Variants in UGT1A10 observed in about 807,000 individuals in gnomAD.
The protein encoded by UGT1A10 is UDP-glucuronosyltransferase 1A10.
Under a neutral mutation model 45.8 loss-of-function variants are expected in UGT1A10, and 49 were observed. The observed-to-expected ratio is 1.07, with a 90% confidence interval of 0.85 to 1.36. UGT1A10 has a LOEUF of 1.36. Ranked by LOEUF, UGT1A10 falls within the 40% of genes most tolerant of loss-of-function variation. The pLI, the probability that UGT1A10 is intolerant of heterozygous loss-of-function variation, is 0.00. For missense variants in UGT1A10, 745 were observed against 668.6 expected (o/e 1.11, Z -1.26); for synonymous variants, 284 against 249.7 (o/e 1.14, Z -1.29).
chr2:233,746,979 C>T (rs908945089), intron 1 of UGT1A10, among the ~76,000 whole-genome samples: 13 of 151,732 alleles, frequency 8.6e-5, no homozygotes, highest in African/African-American at 1.9e-4. Flanking sequence ...CCAGAGCGAG[C>T]GCAGGGTCAG....
At chr2:233,731,616 A>C (rs1404847931) in intron 1 of UGT1A10, among the ~76,000 whole-genome samples, 2 of 152,182 alleles carry the variant, frequency 1.3e-5, no homozygotes, top group Non-Finnish European at 2.9e-5. Flanking sequence ...ACATGAACTC[A>C]TCCTTTTTTA....
intron 1 of UGT1A10, among the ~76,000 whole-genome samples, chr2:233,643,889 C>T (rs1453737018): frequency 6.6e-6 from 1 of 152,130 alleles, no homozygotes; most frequent in Non-Finnish European, 1.5e-5. Context: ...CTGACCAGTG[C>T]CCTATCCTGC....
chr2:233,671,859 G>C, intron 1 of UGT1A10: 1 of 1,514,294 alleles, frequency 6.6e-7, no homozygotes, highest in Non-Finnish European at 8.8e-7. Flanking sequence ...GTCAGGTTTT[G>C]TGCTGGTATT....
Position 233,769,463 on chromosome 2 carries a change from G to A in UGT1A10, c.1295+1024G>A. On this transcript the variant is annotated intron_variant, in intron 4 of 4. Coordinates refer to ENST00000344644, the MANE Select transcript of UGT1A10 (RefSeq NM_019075.4). The surrounding 1 kb of genome is among the most constrained non-coding windows in gnomAD (Gnocchi z 4.4). Reference sequence around the variant, plus strand: ...TGGGTGCACACGTGTGCATTCATATGCGTGTGTGTGTGTGTGCGTGTGTTT... The same window carrying A: ...TGGGTGCACACGTGTGCATTCATATACGTGTGTGTGTGTGTGCGTGTGTTT... 6.3e-7 allele frequency: 1 copy of A among 1,598,098 alleles called. No homozygotes were observed. The highest frequency in any genetic ancestry group is 8.6e-7 in the Non-Finnish European group (1 of 1,168,000).
At position 233,736,787 on chromosome 2, in the gene UGT1A10, G is replaced by T. The variant is rs564924553; in HGVS notation, c.856-30247G>T. Reference sequence around the variant, plus strand: ...TAACAGTCAGATCCCTCAGCTGCAGGTCTGTTGGAGTTTGCTGGAGGTCCA... The same window carrying T: ...TAACAGTCAGATCCCTCAGCTGCAGTTCTGTTGGAGTTTGCTGGAGGTCCA... On this transcript the variant is annotated intron_variant, in intron 1 of 4. Coordinates refer to ENST00000344644, the MANE Select transcript of UGT1A10 (RefSeq NM_019075.4). Among the ~76,000 whole-genome samples the T allele has an allele frequency of 1.5e-3, 227 of 152,276 alleles. 2 individuals carry two copies. The highest frequency in any genetic ancestry group is 5.1e-3 in the African/African-American group (213 of 41,548).
chr2:233,745,211 C>T (rs1428887927), intron 1 of UGT1A10, among the ~76,000 whole-genome samples: 1 of 151,804 alleles, frequency 6.6e-6, no homozygotes, highest in African/African-American at 2.4e-5. Flanking sequence ...GAGATCCTCT[C>T]AGACAAAAGG....
intron 1 of UGT1A10, among the ~76,000 whole-genome samples, chr2:233,638,799 G>T (rs1036521884): frequency 6.6e-6 from 1 of 152,164 alleles, no homozygotes; most frequent in Admixed American, 6.5e-5. Flanking sequence ...CATCTCATAG[G>T]AAAGTGAAAT....
At position 233,719,697 on chromosome 2, in the gene UGT1A10, G is replaced by T. The variant is rs768448140; in HGVS notation, c.856-47337G>T. ...GAAGCCACTATCTCAGGTCTGTATT[G>T]GTGCCTTCATCCAATCAATGTTCCA... On this transcript the variant is annotated intron_variant, in intron 1 of 4. Coordinates refer to ENST00000344644, the MANE Select transcript of UGT1A10 (RefSeq NM_019075.4). 1.2e-5 allele frequency: 19 copies of T among 1,613,928 alleles called. No homozygotes were observed. In the South Asian group the frequency reaches 1.9e-4, roughly 16 times the overall value.
chr2:233,728,804 G>A (rs2077751761), intron 1 of UGT1A10, among the ~76,000 whole-genome samples: 1 of 152,198 alleles, frequency 6.6e-6, no homozygotes, highest in African/African-American at 2.4e-5. Context: ...AGAAGTAGGA[G>A]ACAGTGACAT....
intron 1 of UGT1A10, among the ~76,000 whole-genome samples, chr2:233,694,195 G>T (rs1386448927): frequency 6.6e-6 from 1 of 152,134 alleles, no homozygotes; most frequent in Non-Finnish European, 1.5e-5. Context: ...AACAGGTCCA[G>T]GTTAAAATCC....
At position 233,768,160 on chromosome 2, in the gene UGT1A10, G is replaced by A. The variant is rs35295390; in HGVS notation, c.1076-60G>A. The A allele has an allele frequency of 1.5e-4, 241 of 1,613,276 alleles. 1 individual carries two copies. The African/African-American group carries it at 2.5e-3, about 17-fold the overall frequency. ...TTTGGAGTGTTTTCAGAACCTAGAT[G>A]TGTCCAGCTGTGAAACTCAGAGATG... On this transcript the variant is annotated intron_variant, in intron 3 of 4. Coordinates refer to ENST00000344644, the MANE Select transcript of UGT1A10 (RefSeq NM_019075.4).
At chr2:233,743,391 G>C in intron 1 of UGT1A10, 1 of 1,255,182 alleles carries the variant, frequency 8.0e-7, no homozygotes, top group Non-Finnish European at 1.1e-6. Context: ...AGGACATGCA[G>C]AAGGAAGAAA....
At chr2:233,724,728 C>A (rs2077301361) in intron 1 of UGT1A10, among the ~76,000 whole-genome samples, 1 of 144,340 alleles carries the variant, frequency 6.9e-6, no homozygotes, top group Non-Finnish European at 1.5e-5. Context: ...GGCAGCCAGG[C>A]AGAGGGGCTC....
At chr2:233,699,478 A>G (rs146096566) in intron 1 of UGT1A10, among the ~76,000 whole-genome samples, 192 of 152,320 alleles carry the variant, frequency 1.3e-3, no homozygotes, top group Non-Finnish European at 2.0e-3. Flanking sequence ...AGTAAATCCT[A>G]GTCTCTTCTA....
intron 1 of UGT1A10, among the ~76,000 whole-genome samples, chr2:233,644,135 G>A (rs2073537044): frequency 6.6e-6 from 1 of 152,118 alleles, no homozygotes; most frequent in Admixed American, 6.5e-5. Flanking sequence ...TCACCTAAGA[G>A]TTGCAATCTT....
intron 1 of UGT1A10, among the ~76,000 whole-genome samples, chr2:233,709,269 C>T (rs2076069252): frequency 1.3e-5 from 2 of 152,136 alleles, no homozygotes; most frequent in Non-Finnish European, 2.9e-5. Flanking sequence ...CTTGTCCACG[C>T]TGTGAATTAC....
chr2:233,747,954 C>T (rs1693821442), intron 1 of UGT1A10: 2 of 1,613,446 alleles, frequency 1.2e-6, no homozygotes, highest in Non-Finnish European at 8.5e-7. Flanking sequence ...AGTGGTGGAT[C>T]TTCTCAGCCA....
Position 233,720,957 on chromosome 2 carries a change from C to T in UGT1A10, c.856-46077C>T, listed in dbSNP as rs1032077883. 4.6e-5 allele frequency among the ~76,000 whole-genome samples: 7 copies of T among 151,348 alleles called. No homozygotes were observed. In the East Asian group the frequency reaches 5.8e-4, roughly 13 times the overall value. On this transcript the variant is annotated intron_variant, in intron 1 of 4. Transcript: ENST00000344644. ...AACTCCTGACCTCATGTGATCTGCC[C>T]GCCTCGGCCTCCCAAAGTGCTGGGA...
chr2:233,689,852 G>C (rs1413108719), intron 1 of UGT1A10: 1 of 455,368 alleles, frequency 2.2e-6, no homozygotes, highest in Non-Finnish European at 4.4e-6. Context: ...TATTGTTTTA[G>C]GCTACTATTA....
Sources: allele counts gnomAD v4.1 joint callset (sites outside exome capture counted in the v4.1 genomes callset), GRCh38; gene constraint gnomAD v4.1.1; non-coding constraint Gnocchi (gnomAD v3.1); transcripts MANE v1.5; gene names NCBI Gene and HGNC (gene_info 2026-07-23, HGNC 2026-07-21).